STARD9: variants seen among roughly 807,000 people sequenced by gnomAD.
The protein encoded by STARD9 is StAR related lipid transfer domain containing 9, also known as stAR-related lipid transfer protein 9.
STARD9 carries 346 observed loss-of-function variants against 399.8 expected under a neutral mutation model. The observed-to-expected ratio is 0.87, with a 90% CI of 0.79 to 0.95. The LOEUF is 0.95. Ranked by LOEUF, STARD9 falls within the 40% of genes least tolerant of loss-of-function variation. The pLI, the probability that STARD9 is intolerant of heterozygous loss-of-function variation, is 0.00. For synonymous variants in STARD9, 2,203 were observed against 2,143.5 expected, an observed-to-expected ratio of 1.03 and a Z score of -0.77; for missense variants, 5,832 against 5,667.5, an observed-to-expected ratio of 1.03 and a Z score of -0.93.
At chr15:42,616,396 A>G (rs1448691677) in intron 3 of STARD9, among the ~76,000 whole-genome samples, 3 of 152,252 alleles carry the variant, frequency 2.0e-5, no homozygotes, top group Non-Finnish European at 4.4e-5. Flanking sequence ...TGTAAAGTGA[A>G]ACAACGGAAA....
chr15:42,607,135 C>G (rs566375761), intron 3 of STARD9, among the ~76,000 whole-genome samples: 1 of 147,086 alleles, frequency 6.8e-6, no homozygotes, highest in Admixed American at 6.9e-5. Context: ...AGTCTGTGCA[C>G]AACCCTGTAA....
intron 26 of STARD9, 75 bp downstream of exon 26, chr15:42,695,955 T>C: frequency 6.9e-7 from 1 of 1,453,014 alleles, no homozygotes; most frequent in Non-Finnish European, 9.1e-7. Flanking sequence ...ACGCTGTGCC[T>C]CCTGGAGTTT....
At chr15:42,715,222 C>T (rs1214591236) in intron 26 of STARD9, among the ~76,000 whole-genome samples, 1 of 152,212 alleles carries the variant, frequency 6.6e-6, no homozygotes, top group Non-Finnish European at 1.5e-5. Flanking sequence ...GATCCAGCCA[C>T]ACGGACACCG....
In STARD9 at chr15:42,689,013, C is replaced by T. The variant is rs767113595; in HGVS notation, c.7435C>T (p.Leu2479=). Residue 2479 remains leucine (L), a synonymous_variant, in exon 23 of 33, where the codon CTG becomes TTG. Transcript: ENST00000290607. ...AVQKEIRVSS[L]NKVSSQPEKR... Reference sequence around the variant, plus strand: ...ACAAAAAGAAATAAGAGTCAGTTCACTGAACAAGGTCTCTAGCCAGCCTGA... The same window carrying T: ...ACAAAAAGAAATAAGAGTCAGTTCATTGAACAAGGTCTCTAGCCAGCCTGA... The T allele has an allele frequency of 6.5e-7, 1 of 1,537,342 alleles. No homozygotes were observed. Among genetic ancestry groups the T allele is most frequent in the South Asian group, 1.2e-5 (1 of 84,062 alleles).
At chr15:42,662,631 A>G (rs2140098754) in intron 10 of STARD9, among the ~76,000 whole-genome samples, 163 bp from the exon 11 acceptor site, 1 of 152,384 alleles carries the variant, frequency 6.6e-6, no homozygotes, top group South Asian at 2.1e-4. Flanking sequence ...CCAGTTCATT[A>G]CAAAATGGTA....
chr15:42,580,285 G>C (rs761026966), intron 1 of STARD9, among the ~76,000 whole-genome samples: 2 of 152,206 alleles, frequency 1.3e-5, no homozygotes, highest in Non-Finnish European at 2.9e-5. Context: ...AGGAAAAGCA[G>C]CTCTCTTTTT....
chr15:42,706,510 G>A (rs983096586), intron 26 of STARD9, among the ~76,000 whole-genome samples: 16 of 151,434 alleles, frequency 1.1e-4, no homozygotes, highest in Non-Finnish European at 2.2e-4. Context: ...GAGTGCAGTG[G>A]CATGATCTCG....
At chr15:42,609,280 G>C (rs760258344) in intron 3 of STARD9, among the ~76,000 whole-genome samples, 1 of 152,116 alleles carries the variant, frequency 6.6e-6, no homozygotes, top group African/African-American at 2.4e-5. Flanking sequence ...CCCTCAGAAC[G>C]TGACCCAAGT....
chr15:42,710,934 CCTGT>C (rs774399753), intron 26 of STARD9, among the ~76,000 whole-genome samples: 6 of 149,874 alleles, frequency 4.0e-5, no homozygotes, highest in South Asian at 2.1e-4. Flanking sequence ...TGTCTGTCTC[CCTGT>C]CTGTTTGTCC....
chr15:42,680,398 G>A (rs1284051142), intron 20 of STARD9, among the ~76,000 whole-genome samples: 2 of 152,060 alleles, frequency 1.3e-5, no homozygotes, highest in Non-Finnish European at 2.9e-5. Flanking sequence ...TAAGGAGTTC[G>A]AGACCAGCCT....
At position 42,691,684 on chromosome 15, in the gene STARD9, G is replaced by C; in HGVS notation, c.10106G>C (p.Gly3369Ala). 3.3e-6 allele frequency: 5 copies of C among 1,537,270 alleles called. No homozygotes were observed. The highest frequency in any genetic ancestry group is 4.4e-6 in the Non-Finnish European group (5 of 1,146,914). Residue 3369 changes from glycine (G) to alanine (A), a missense_variant, in exon 23 of 33, where the codon GGA (glycine) becomes GCA (alanine). By Grantham distance (60) the Gly-to-Ala change is moderately conservative (BLOSUM62 0). Transcript: ENST00000290607. ...WNPHLRGYSS[G>A]KSVARTSLQA... ...CCACATCTCAGGGGCTATTCCTCAG[G>C]AAAGTCAGTGGCAAGAACATCTCTG...
rs753004782 is a variant in STARD9 at position 42,719,684 on chromosome 15, C to T, written c.*110C>T. 6.8e-6 allele frequency: 5 copies of T among 734,110 alleles called. No homozygotes were observed. Among genetic ancestry groups the T allele is most frequent in the Non-Finnish European group, 1.1e-5 (5 of 447,162 alleles). 45.5% of individuals were successfully genotyped at this position (734,110 alleles called of 1,614,324 possible). A position where few individuals can be genotyped will look rare whatever the true frequency, so the allele number is the denominator to read the frequency against. ...TACCACAGTGCAGGAAAAGCTGATGCTACCTGCTGTGGCCGATTGGGGCAG... is the reference window on the plus strand; with the variant it reads ...TACCACAGTGCAGGAAAAGCTGATGTTACCTGCTGTGGCCGATTGGGGCAG... On this transcript the variant is annotated 3_prime_UTR_variant, in exon 33 of 33. Coordinates refer to ENST00000290607, the MANE Select transcript of STARD9 (RefSeq NM_020759.3).
In STARD9 at chr15:42,668,114, G is replaced by A. The variant is rs148023580; in HGVS notation, c.1318-1044G>A. 1.7e-3 allele frequency among the ~76,000 whole-genome samples: 256 copies of A among 152,324 alleles called. 1 individual carries two copies. The highest frequency in any genetic ancestry group is 2.0e-3 in the Non-Finnish European group (137 of 68,038). ...TGGCTGTATGATCTTAGGCAGTGTA[G>A]GAGTAGGTGGTGAAAGCTGGCCAGA... On this transcript the variant is annotated intron_variant, in intron 15 of 32. Transcript: ENST00000290607.
In STARD9 at chr15:42,693,751, A is replaced by G; in HGVS notation, c.12173A>G (p.Asn4058Ser). The G allele has an allele frequency of 6.5e-7, 1 of 1,536,672 alleles. No individual in the cohort carries two copies. The highest frequency in any genetic ancestry group is 8.7e-7 in the Non-Finnish European group (1 of 1,146,856). ...EPSQWQSRTENGGESSASPGE... is the reference protein window; with the variant it reads ...EPSQWQSRTESGGESSASPGE... ...AGTCAGTGGCAGAGCAGGACAGAAAATGGAGGTGAGAGTTCAGCATCTCCA... is the reference window on the plus strand; with the variant it reads ...AGTCAGTGGCAGAGCAGGACAGAAAGTGGAGGTGAGAGTTCAGCATCTCCA... Residue 4058 changes from asparagine (N) to serine (S), a missense_variant, in exon 23 of 33, where the codon AAT (asparagine) becomes AGT (serine). Physicochemically the swap from Asn to Ser is conservative, Grantham distance 46. Coordinates refer to ENST00000290607, the MANE Select transcript of STARD9 (RefSeq NM_020759.3).
chr15:42,630,927 CTAAGT>C (rs999484069), intron 3 of STARD9, among the ~76,000 whole-genome samples: 2 of 149,234 alleles, frequency 1.3e-5, no homozygotes, highest in African/African-American at 4.9e-5. Flanking sequence ...TATTTCTGCT[CTAAGT>C]TTTTTTCTTC....
rs1221109691 is a variant in STARD9, at chr15:42,690,784, C to T, written c.9206C>T (p.Ser3069Phe). Reference sequence around the variant, plus strand: ...TCTGCTCCTGACGTGAGGACAGGTTCCTTCAGCCACTCAGCTACTGATGGA... The same window carrying T: ...TCTGCTCCTGACGTGAGGACAGGTTTCTTCAGCCACTCAGCTACTGATGGA... ...SPSAPDVRTG[S>F]FSHSATDGSV... The change falls in exon 23 of 33, where the codon TCC becomes TTC. Residue 3069 changes from serine to phenylalanine, a missense_variant. Physicochemically the swap from Ser to Phe is radical, Grantham distance 155. Coordinates refer to ENST00000290607, the MANE Select transcript of STARD9 (RefSeq NM_020759.3). The T allele has an allele frequency of 1.3e-6, 2 of 1,537,258 alleles. No homozygotes were observed.
Position 42,685,480 on chromosome 15 carries a change from C to G in STARD9, c.3902C>G (p.Pro1301Arg). Residue 1301 changes from proline (P) to arginine (R), a missense_variant, in exon 23 of 33, where the codon CCC becomes CGC. Pro to Arg is a moderately radical substitution (Grantham distance 103, BLOSUM62 -2). Transcript: ENST00000290607. ...CTCCAACCCCATTGTGAGCTCCAGC[C>G]CCATTGTGAGCAGGCTGAATCACAG... ...CELQPHCELQ[P>R]HCEQAESQVE... 2.0e-6 allele frequency: 3 copies of G among 1,537,046 alleles called. No individual in the cohort carries two copies. The highest frequency in any genetic ancestry group is 2.6e-6 in the Non-Finnish European group (3 of 1,146,836).
chr15:42,575,621 G>A lies in STARD9; in HGVS notation c.-95G>A. The stretch of plus-strand genomic sequence containing the variant: ...CGGCGTCCCCAGAGGCGCGTGGGGC[G>A]GGCGGGGCTGGGTTGGGGCTGTGTC... On this transcript the variant is annotated 5_prime_UTR_variant, in exon 1 of 33. Coordinates refer to ENST00000290607, the MANE Select transcript of STARD9 (RefSeq NM_020759.3). 2 of 1,360,470 alleles carry A rather than the reference G, an allele frequency of 1.5e-6. No individual in the cohort carries two copies. 84.3% of individuals were successfully genotyped at this position (1,360,470 alleles called of 1,614,324 possible).
chr15:42,694,354 C>T lies in STARD9; in HGVS notation c.12764+12C>T, dbSNP rs78906041. 3.0e-3 allele frequency: 4,581 copies of T among 1,533,002 alleles called. 123 individuals are homozygous for T. The African/African-American group carries it at 0.054, about 18-fold the overall frequency. 95.0% of individuals were successfully genotyped at this position (1,533,002 alleles called of 1,614,324 possible). On this transcript the variant is annotated intron_variant, in intron 23 of 32. Transcript: ENST00000290607. ...GAGCTCTATGCACGGTAAGGACCCC[C>T]AGCCTGGAGTCGGGAGGGGAAGGGG...
Sources: allele counts gnomAD v4.1 joint callset (sites outside exome capture counted in the v4.1 genomes callset), GRCh38; gene constraint gnomAD v4.1.1; transcripts MANE v1.5; gene names NCBI Gene and HGNC (gene_info 2026-07-23, HGNC 2026-07-21).